DLGAP4: variants seen among roughly 807,000 people sequenced by gnomAD.
DLGAP4 encodes disks large-associated protein 4.
In DLGAP4, 18 loss-of-function variants were observed where a neutral mutation model predicts 86.9. The observed-to-expected ratio is 0.21, with a 90% CI of 0.14 to 0.31. The LOEUF (loss-of-function observed/expected upper bound fraction) is 0.31, where lower values mean the gene tolerates loss of function less well. DLGAP4 is among the 10% of genes least tolerant of loss of function. DLGAP4 has a pLI of 1.00. For missense variants in DLGAP4, 1,085 were observed against 1,362.6 expected (o/e 0.80, Z 3.21); for synonymous variants, 548 against 574.3 (o/e 0.95, Z 0.65).
chr20:36,421,575 G>A (rs1363828044), intron 2 of DLGAP4, among the ~76,000 whole-genome samples: 1 of 152,086 alleles, frequency 6.6e-6, no homozygotes, highest in South Asian at 2.1e-4. Flanking sequence ...GCAGGGCTGT[G>A]GAGGTGGTAG....
intron 7 of DLGAP4, among the ~76,000 whole-genome samples, chr20:36,487,077 T>C (rs1212498583): frequency 6.6e-6 from 1 of 152,190 alleles, no homozygotes; most frequent in Non-Finnish European, 1.5e-5. Flanking sequence ...CTGGTCTCTG[T>C]TAGCTGTGCT....
chr20:36,377,064 CAG>C (rs931971522), intron 2 of DLGAP4, among the ~76,000 whole-genome samples: 3 of 152,164 alleles, frequency 2.0e-5, no homozygotes, highest in Non-Finnish European at 4.4e-5. Context: ...GAAGGGAAAC[CAG>C]AGAGGGGCTT....
intron 7 of DLGAP4, among the ~76,000 whole-genome samples, chr20:36,470,186 C>T (rs1411355209): frequency 6.6e-6 from 1 of 152,084 alleles, no homozygotes; most frequent in Non-Finnish European, 1.5e-5. Flanking sequence ...CCCGTCCTTC[C>T]TGTAGGAACC....
At chr20:36,474,486 G>A (rs529670708) in intron 7 of DLGAP4, among the ~76,000 whole-genome samples, 1 of 152,334 alleles carries the variant, frequency 6.6e-6, no homozygotes, top group East Asian at 1.9e-4. Context: ...GGGCTGTGAC[G>A]AGGACCTATT....
intron 12 of DLGAP4, 71 bp from the exon 13 acceptor site, chr20:36,526,742 G>A (rs1012245783): frequency 1.4e-6 from 2 of 1,405,758 alleles, no homozygotes; most frequent in Admixed American, 5.2e-5. Context: ...CCGGCATATG[G>A]TGGGGGTAGT....
At chr20:36,327,653 G>A (rs1325200167) in intron 1 of DLGAP4, among the ~76,000 whole-genome samples, 2 of 144,872 alleles carry the variant, frequency 1.4e-5, no homozygotes, top group East Asian at 2.1e-4. Context: ...GTGCAGTGGC[G>A]GGATCTCGGC....
intron 10 of DLGAP4, among the ~76,000 whole-genome samples, chr20:36,523,438 ATG>A (rs1357506543): frequency 6.6e-6 from 1 of 152,212 alleles, no homozygotes; most frequent in Non-Finnish European, 1.5e-5. Flanking sequence ...TTCTACATTT[ATG>A]TTAGTGAAAG....
Position 36,500,504 on chromosome 20 carries a change from G to C in DLGAP4, c.2405G>C (p.Arg802Pro). The C allele has an allele frequency of 6.3e-7, 1 of 1,593,776 alleles. No individual in the cohort carries two copies. The highest frequency in any genetic ancestry group is 1.1e-5 in the South Asian group (1 of 88,452). The change falls in exon 10 of 13, where the codon CGA (arginine) becomes CCA (proline). Residue 802 changes from arginine (R) to proline (P), a missense_variant. Physicochemically the swap from Arg to Pro is moderately radical, Grantham distance 103. This residue lies in a region of DLGAP4 where 1,082 missense variants were observed against 1,344.1 expected (regional missense o/e 0.81). Transcript: ENST00000339266. This position sits in a 1 kb window ranked among gnomAD's most constrained non-coding sequence, Gnocchi z 4.6. ...AEPAQPGACR[R>P]DGYWFLKLLQ... ...CCGGCACAGCCAGGGGCCTGCCGCC[G>C]AGACGGCTACTGGTTCCTAAAGCTA...
chr20:36,488,141 A>G (rs1160637950), intron 7 of DLGAP4, among the ~76,000 whole-genome samples: 1 of 151,328 alleles, frequency 6.6e-6, no homozygotes, highest in Non-Finnish European at 1.5e-5. Flanking sequence ...CAGAGGTTGC[A>G]GTAAGCCAAG....
At chr20:36,513,809 G>C (rs950740806) in intron 10 of DLGAP4, among the ~76,000 whole-genome samples, 8 of 152,160 alleles carry the variant, frequency 5.3e-5, no homozygotes, top group African/African-American at 1.9e-4. Flanking sequence ...GTGAAGAAGA[G>C]GATGGCATTG....
At chr20:36,470,423 C>T (rs1487899672) in intron 7 of DLGAP4, among the ~76,000 whole-genome samples, 1 of 152,192 alleles carries the variant, frequency 6.6e-6, no homozygotes, top group Non-Finnish European at 1.5e-5. Flanking sequence ...CTGGGTCCTG[C>T]CTCCCCTCCC....
chr20:36,499,753 A>G, intron 9 of DLGAP4, 77 bp downstream of exon 9: 1 of 1,349,760 alleles, frequency 7.4e-7, no homozygotes, highest in East Asian at 2.5e-5. Context: ...TGCTCTCCCT[A>G]ACCCACTTCT....
intron 1 of DLGAP4, among the ~76,000 whole-genome samples, chr20:36,319,967 CGTCCCACTCCCCCGGGCCTCCCTCTGT>C (rs2065149018): frequency 7.1e-6 from 1 of 140,642 alleles, no homozygotes; most frequent in South Asian, 2.3e-4. Context: ...CCTCCCTCTG[CGTCCCACTCCCCCGGGCCTCCCTCTGT>C]GTCCCTCTCC....
chr20:36,527,243 A>G lies in DLGAP4; in HGVS notation c.*212A>G. The G allele has an allele frequency of 4.2e-6, 2 of 475,332 alleles. No individual in the cohort carries two copies. Among genetic ancestry groups the G allele is most frequent in the Middle Eastern group, 5.7e-4 (1 of 1,750 alleles). 29.4% of individuals were successfully genotyped at this position (475,332 alleles called of 1,614,324 possible). A position where few individuals can be genotyped will look rare whatever the true frequency, so the allele number is the denominator to read the frequency against. ...AAGATTTTACTCACAAAAAAAATCA[A>G]CAAAAATCACGAAACTAGAAAACTT... On this transcript the variant is annotated 3_prime_UTR_variant, in exon 13 of 13. Transcript: ENST00000339266.
intron 1 of DLGAP4, among the ~76,000 whole-genome samples, chr20:36,345,006 C>T (rs782168161): frequency 1.9e-4 from 29 of 152,216 alleles, no homozygotes; most frequent in Non-Finnish European, 2.4e-4. Context: ...CTCCCAAAGA[C>T]CCCACTTCAG....
chr20:36,461,418 G>A (rs1364369947), intron 7 of DLGAP4: 3 of 965,480 alleles, frequency 3.1e-6, no homozygotes, highest in Non-Finnish European at 2.4e-6. Flanking sequence ...GGGGGGCGGG[G>A]AGGGGCGGGG....
At chr20:36,375,553 A>G (rs914220009) in intron 2 of DLGAP4, among the ~76,000 whole-genome samples, 2 of 152,208 alleles carry the variant, frequency 1.3e-5, no homozygotes, top group Non-Finnish European at 2.9e-5. Context: ...TTCTCAATTC[A>G]GCCCAGGAGA....
chr20:36,474,654 T>C (rs2034828224), intron 7 of DLGAP4, among the ~76,000 whole-genome samples: 2 of 151,942 alleles, frequency 1.3e-5, no homozygotes, highest in African/African-American at 4.9e-5. Flanking sequence ...GAGGGGCCTG[T>C]CTGACATCAC....
At chr20:36,454,843 C>A (rs2033838978) in intron 7 of DLGAP4, among the ~76,000 whole-genome samples, 1 of 152,224 alleles carries the variant, frequency 6.6e-6, no homozygotes, top group South Asian at 2.1e-4. Context: ...TGCCTGCCCG[C>A]CCACCCACGT....
Sources: gnomAD v4.1 joint callset for allele counts (sites outside exome capture counted in the v4.1 genomes callset) on GRCh38, gnomAD v4.1.1 for gene constraint, gnomAD v4.1.1 regional missense constraint, Gnocchi (gnomAD v3.1) non-coding constraint, MANE v1.5 for transcripts, NCBI Gene and HGNC (gene_info 2026-07-23, HGNC 2026-07-21) for gene names.